DISC1: variants seen among roughly 807,000 people sequenced by gnomAD.
DISC1 encodes DISC1 scaffold protein, also known as disrupted in schizophrenia 1 protein.
In DISC1, 57 loss-of-function variants were observed where a neutral mutation model predicts 84.5. The ratio of observed to expected loss-of-function variants is 0.67; its 90% confidence interval spans 0.55 to 0.84. The LOEUF (loss-of-function observed/expected upper bound fraction) is 0.84. Ranked by LOEUF, DISC1 falls within the 40% of genes least tolerant of loss-of-function variation. DISC1 has a pLI of 0.00. For synonymous variants in DISC1, 411 were observed against 415.2 expected, an observed-to-expected ratio of 0.99 and a Z score of 0.12; for missense variants, 1,000 against 1,057.8, an observed-to-expected ratio of 0.95 and a Z score of 0.76.
At chr1:231,834,223 A>C (rs1271827366) in intron 9 of DISC1, among the ~76,000 whole-genome samples, 1 of 152,154 alleles carries the variant, frequency 6.6e-6, no homozygotes, top group Admixed American at 6.5e-5. Context: ...AGAGGTGATA[A>C]AAGGATTATA....
intron 4 of DISC1, among the ~76,000 whole-genome samples, chr1:231,757,891 C>G (rs767192620): frequency 1.3e-5 from 2 of 151,902 alleles, no homozygotes; most frequent in Non-Finnish European, 2.9e-5. Context: ...GGCCTCCCTC[C>G]GATTCCCTCC....
chr1:231,903,931 T>G (rs934121140), intron 9 of DISC1, among the ~76,000 whole-genome samples: 5 of 152,216 alleles, frequency 3.3e-5, no homozygotes, highest in African/African-American at 1.2e-4. Context: ...CAAGAGACTA[T>G]AGAGAGTCAG....
intron 2 of DISC1, among the ~76,000 whole-genome samples, chr1:231,699,098 A>T (rs1486335221): frequency 6.6e-6 from 1 of 152,174 alleles, no homozygotes. Context: ...CCATCTGAAC[A>T]TATGATCCCC....
At chr1:231,910,143 A>AT (rs568476340) in intron 9 of DISC1, among the ~76,000 whole-genome samples, 43 of 152,078 alleles carry the variant, frequency 2.8e-4, no homozygotes, top group Non-Finnish European at 5.0e-4. Flanking sequence ...GGATTCATTG[A>AT]TTTTTTGAAG....
At chr1:231,763,284 A>C (rs763618030) in intron 4 of DISC1, among the ~76,000 whole-genome samples, 3 of 152,218 alleles carry the variant, frequency 2.0e-5, no homozygotes, top group Admixed American at 1.3e-4. Flanking sequence ...AAACCGGTAT[A>C]ATAGCATCTT....
At chr1:231,677,991 C>CA (rs2063325024) in intron 1 of DISC1, among the ~76,000 whole-genome samples, 1 of 151,732 alleles carries the variant, frequency 6.6e-6, no homozygotes, top group South Asian at 2.1e-4. Flanking sequence ...AAAAACCAAC[C>CA]AAAAAACAAC....
intron 7 of DISC1, among the ~76,000 whole-genome samples, chr1:231,799,431 G>C (rs1390098484): frequency 2.0e-5 from 3 of 152,088 alleles, no homozygotes; most frequent in Admixed American, 6.6e-5. Flanking sequence ...CATAGAGCTC[G>C]TATCCCGGCA....
intron 6 of DISC1, among the ~76,000 whole-genome samples, chr1:231,786,894 T>C (rs2077909844): frequency 6.6e-6 from 1 of 152,204 alleles, no homozygotes; most frequent in Non-Finnish European, 1.5e-5. Flanking sequence ...CTCCTGGCTC[T>C]TCAGGAAGGC....
At chr1:231,935,595 G>A (rs966485573) in intron 9 of DISC1, among the ~76,000 whole-genome samples, 2 of 152,206 alleles carry the variant, frequency 1.3e-5, no homozygotes, top group Non-Finnish European at 2.9e-5. Flanking sequence ...GTGTTAAGGG[G>A]TGGGCTTAAA....
chr1:231,782,475 C>T (rs1445205317), intron 6 of DISC1, among the ~76,000 whole-genome samples: 1 of 152,094 alleles, frequency 6.6e-6, no homozygotes, highest in Admixed American at 6.5e-5. Context: ...TTGAGCTGTG[C>T]ATATGCTTAT....
intron 8 of DISC1, among the ~76,000 whole-genome samples, chr1:231,813,968 G>A (rs2080609361): frequency 6.6e-6 from 1 of 152,124 alleles, no homozygotes; most frequent in Non-Finnish European, 1.5e-5. Flanking sequence ...AAACACATGA[G>A]TGTTTTAAGC....
rs1411019 is a variant in DISC1 at position 231,954,538 on chromosome 1, G to A, written c.1982-4290G>A. 0.38 allele frequency among the ~76,000 whole-genome samples: 58,464 copies of A among 151,986 alleles called. 12,208 individuals are homozygous for A. The highest frequency in any genetic ancestry group is 0.77 in the East Asian group (3,990 of 5,166). ...TCCTGCTTCTTCCTGATCAGGAAGG[G>A]GGTCTGCAGTCCTCTGGTCTTGTTT... is the stretch of plus-strand genomic sequence containing the variant. On this transcript the variant is annotated intron_variant, in intron 9 of 12. Transcript: ENST00000439617. The surrounding 1 kb of genome is among the most constrained non-coding windows in gnomAD (Gnocchi z 4.8).
chr1:231,993,929 A>C (rs1474114754), intron 10 of DISC1, among the ~76,000 whole-genome samples: 2 of 152,132 alleles, frequency 1.3e-5, no homozygotes, highest in East Asian at 3.8e-4. Context: ...CAGGAAAATA[A>C]ATTGTTATTC....
chr1:231,714,322 G>A (rs1020669787), intron 3 of DISC1, among the ~76,000 whole-genome samples: 2 of 152,030 alleles, frequency 1.3e-5, no homozygotes, highest in Non-Finnish European at 2.9e-5. Flanking sequence ...TTTGACAAGG[G>A]GTGCCATGTC....
intron 9 of DISC1, among the ~76,000 whole-genome samples, chr1:231,877,122 G>C (rs930712873): frequency 1.3e-5 from 2 of 152,190 alleles, no homozygotes; most frequent in Admixed American, 6.5e-5. Flanking sequence ...AATTAGAAGG[G>C]GAAGATTTAG....
chr1:231,699,843 C>T (rs1470815842), intron 2 of DISC1, among the ~76,000 whole-genome samples: 1 of 152,190 alleles, frequency 6.6e-6, no homozygotes, highest in Non-Finnish European at 1.5e-5. Flanking sequence ...TGTGTGACCT[C>T]ATTCTCTACA....
chr1:231,712,522 G>T (rs1411541746), intron 3 of DISC1, among the ~76,000 whole-genome samples: 2 of 152,190 alleles, frequency 1.3e-5, no homozygotes, highest in African/African-American at 4.8e-5. Context: ...AAAGAAAAAG[G>T]CCACTTGAAA....
In DISC1 at chr1:231,897,601, G is replaced by A. The variant is rs928896741; in HGVS notation, c.1982-61227G>A. 3.3e-5 allele frequency among the ~76,000 whole-genome samples: 5 copies of A among 151,778 alleles called. No homozygotes were observed. The highest frequency in any genetic ancestry group is 5.9e-5 in the Non-Finnish European group (4 of 67,990). On this transcript the variant is annotated intron_variant, in intron 9 of 12. Coordinates refer to ENST00000439617, the MANE Select transcript of DISC1 (RefSeq NM_018662.3). This position sits in a 1 kb window ranked among gnomAD's most constrained non-coding sequence, Gnocchi z 4.5. Reference sequence around the variant, plus strand: ...CGGCAGCATTTTACAGCCATTTATTGTAGAGTCTGTTGCTTTGGGCTGCTG... The same window carrying A: ...CGGCAGCATTTTACAGCCATTTATTATAGAGTCTGTTGCTTTGGGCTGCTG...
chr1:231,968,674 A>G (rs111598447), intron 10 of DISC1, among the ~76,000 whole-genome samples: 19 of 151,970 alleles, frequency 1.3e-4, no homozygotes, highest in African/African-American at 4.6e-4. Context: ...TCCCTATGTA[A>G]TGAAGACCCC....
Sources: gnomAD v4.1 joint callset for allele counts (sites outside exome capture counted in the v4.1 genomes callset) on GRCh38, gnomAD v4.1.1 for gene constraint, Gnocchi (gnomAD v3.1) non-coding constraint, MANE v1.5 for transcripts, NCBI Gene and HGNC (gene_info 2026-07-23, HGNC 2026-07-21) for gene names.